The following TMIGD2 variants were observed in gnomAD, a reference collection of about 807,000 sequenced individuals.
TMIGD2 encodes transmembrane and immunoglobulin domain-containing protein 2.
A neutral mutation model predicts 22.6 loss-of-function variants in TMIGD2; 18 were observed. The observed-to-expected ratio is 0.80, with a 90% CI of 0.55 to 1.18. The LOEUF is 1.18. TMIGD2 is among the 50% of genes most tolerant of loss of function. TMIGD2 has a pLI of 0.00. For missense variants in TMIGD2, 361 were observed against 378.2 expected (o/e 0.95, Z 0.38); for synonymous variants, 184 against 154.1 (o/e 1.19, Z -1.44).
rs1971492031 is a variant in TMIGD2, at chr19:4,298,362, G to A, written c.47-17C>T. Reference sequence around the variant, plus strand: ...CTTGCAGGGCTGGAGGACAGAAGAGGTAGAGGCGACCTTTCTGACTGTGCG... The same window carrying A: ...CTTGCAGGGCTGGAGGACAGAAGAGATAGAGGCGACCTTTCTGACTGTGCG... On this transcript the variant is annotated splice_polypyrimidine_tract_variant and intron_variant, in intron 1 of 4. Transcript: ENST00000301272. The A allele has an allele frequency of 6.5e-7, 1 of 1,541,884 alleles. No individual in the cohort carries two copies. Among genetic ancestry groups the A allele is most frequent in the Non-Finnish European group, 8.7e-7 (1 of 1,149,578 alleles).
At chr19:4,292,484 G>T (rs1313708260) in exon 5 of TMIGD2, 5 of 1,089,884 alleles carry the variant, frequency 4.6e-6, no homozygotes, top group East Asian at 2.4e-5. Context: ...TGTTCCACCC[G>T]CCTCGGCTTC....
At chr19:4,299,288 G>C (rs1018327641) in intron 1 of TMIGD2, among the ~76,000 whole-genome samples, 1 of 151,862 alleles carries the variant, frequency 6.6e-6, no homozygotes, top group African/African-American at 2.4e-5. Flanking sequence ...GGGACTACAG[G>C]CATGTAACCA....
chr19:4,295,474 G>A (rs1441676395), intron 2 of TMIGD2, among the ~76,000 whole-genome samples: 2 of 151,432 alleles, frequency 1.3e-5, no homozygotes, highest in South Asian at 2.1e-4. Context: ...GCAGGAGAAT[G>A]GTGTGAACCC....
Position 4,297,977 on chromosome 19 carries a change from C to T in TMIGD2, c.406+9G>A. 3 of 1,559,032 alleles carry T rather than the reference C, an allele frequency of 1.9e-6. No homozygotes were observed. The highest frequency in any genetic ancestry group is 1.2e-5 in the South Asian group (1 of 83,038). ...CACTGCCCCTCCCTCTCCCCGCTGG[C>T]TCCCGTACCTGGGTCCACAAAGAGC... On this transcript the variant is annotated intron_variant, in intron 2 of 4. Transcript: ENST00000301272.
At chr19:4,296,861 C>G (rs139620262) in intron 2 of TMIGD2, among the ~76,000 whole-genome samples, 222 of 152,306 alleles carry the variant, frequency 1.5e-3, no homozygotes, top group African/African-American at 5.1e-3. Context: ...AAGCCTGCAT[C>G]CCCTTGGGTT....
Position 4,294,832 on chromosome 19 carries a change from C to A in TMIGD2, c.407-16G>T, listed in dbSNP as rs781535833. On this transcript the variant is annotated splice_polypyrimidine_tract_variant and intron_variant, in intron 2 of 4. Transcript: ENST00000301272. ...GTGGGGTCATCTGCAGAGAAGAAAT[C>A]TATGTCACGGGGGTGCCAGGCTTCT... The A allele has an allele frequency of 3.3e-5, 51 of 1,545,168 alleles. 1 individual carries two copies. In the Admixed American group the frequency reaches 1.0e-3, roughly 31 times the overall value.
At chr19:4,292,758 G>A (rs749012669) in exon 5 of TMIGD2, 4 of 1,611,046 alleles carry the variant, frequency 2.5e-6, no homozygotes, top group Non-Finnish European at 3.4e-6. Context: ...GCTGGCGGGG[G>A]GCCGGTTGCG....
intron 4 of TMIGD2, among the ~76,000 whole-genome samples, chr19:4,294,008 C>T (rs937647100): frequency 6.6e-6 from 1 of 151,984 alleles, no homozygotes; most frequent in Admixed American, 6.6e-5. Context: ...GTGATCCACC[C>T]GCCTCAGCCT....
rs573681086 is a variant in TMIGD2 at position 4,296,316 on chromosome 19, G to A, written c.407-1500C>T. Among the ~76,000 whole-genome samples the A allele has an allele frequency of 3.5e-4, 54 of 152,350 alleles. 1 individual carries two copies. Among genetic ancestry groups the A allele is most frequent in the African/African-American group, 1.2e-3 (49 of 41,586 alleles). On this transcript the variant is annotated intron_variant, in intron 2 of 4. Coordinates refer to ENST00000301272, the Ensembl canonical transcript of TMIGD2. ...TGACAGCAGAGGGAACTGGCACAGA[G>A]AGGTCAAGTCACTTGCTCAAGGTCA...
At chr19:4,292,488 C>A in exon 5 of TMIGD2, 1 of 1,142,798 alleles carries the variant, frequency 8.8e-7, no homozygotes, top group Non-Finnish European at 1.3e-6. Context: ...CCACCCGCCT[C>A]GGCTTCCCAA....
chr19:4,295,468 G>A (rs1396804319), intron 2 of TMIGD2, among the ~76,000 whole-genome samples: 5 of 151,740 alleles, frequency 3.3e-5, no homozygotes, highest in Non-Finnish European at 7.4e-5. Context: ...GCTGAGGCAG[G>A]AGAATGGTGT....
intron 1 of TMIGD2, among the ~76,000 whole-genome samples, chr19:4,300,130 G>T (rs1227221153): frequency 6.6e-6 from 1 of 151,208 alleles, no homozygotes; most frequent in African/African-American, 2.4e-5. Context: ...GCATGGTGGC[G>T]GGTGCCTGTA....
In TMIGD2 at chr19:4,294,602, CG is replaced by C. The variant is rs1450921701; in HGVS notation, c.526del (p.Arg176AlafsTer120). The stretch of plus-strand genomic sequence containing the variant: ...ACCTGAGTCCCTTTGCTGGCAGCTG[CG>C]GCGGCCCCAGAACCAGGCACCCCAC... On this transcript the variant is annotated frameshift_variant, in exon 4 of 5. Coordinates refer to ENST00000301272, the Ensembl canonical transcript of TMIGD2. LOFTEE classifies it low-confidence loss of function (END_TRUNC). The C allele has an allele frequency of 2.7e-5, 43 of 1,610,846 alleles. No homozygotes were observed. The highest frequency in any genetic ancestry group is 3.3e-5 in the Non-Finnish European group (39 of 1,178,438).
At chr19:4,297,288 C>T (rs1002832995) in intron 2 of TMIGD2, among the ~76,000 whole-genome samples, 5 of 151,970 alleles carry the variant, frequency 3.3e-5, no homozygotes, top group Admixed American at 3.3e-4. Context: ...AGGCTGGTCT[C>T]GAACCCCTGA....
exon 2 of TMIGD2, chr19:4,298,323 C>T (rs1347599510): frequency 4.4e-6 from 7 of 1,590,688 alleles, no homozygotes; most frequent in African/African-American, 1.3e-5. Flanking sequence ...GCTGCACGCT[C>T]AGGCTTGAGG....
intron 1 of TMIGD2, 148 bp downstream of exon 1, chr19:4,302,192 C>G (rs554325133): frequency 8.1e-5 from 67 of 831,860 alleles, no homozygotes; most frequent in Non-Finnish European, 1.1e-4. Context: ...AATCCTCCAG[C>G]CCCCATCACG....
At chr19:4,293,482 G>A (rs1051124140) in intron 4 of TMIGD2, among the ~76,000 whole-genome samples, 9 of 149,824 alleles carry the variant, frequency 6.0e-5, no homozygotes, top group South Asian at 4.2e-4. Context: ...GGCTGGTCTC[G>A]AACTCCTGGC....
intron 1 of TMIGD2, among the ~76,000 whole-genome samples, chr19:4,301,109 A>G (rs544909653): frequency 1.3e-5 from 2 of 152,094 alleles, no homozygotes; most frequent in Non-Finnish European, 2.9e-5. Flanking sequence ...AGTAGCTGGG[A>G]CTACAGGCAC....
intron 4 of TMIGD2, among the ~76,000 whole-genome samples, chr19:4,294,240 T>C (rs1971426806): frequency 1.3e-5 from 2 of 152,086 alleles, no homozygotes; most frequent in East Asian, 1.9e-4. Context: ...GCTAATTTTT[T>C]GTATTTTTAG....
Sources: allele counts gnomAD v4.1 joint callset (sites outside exome capture counted in the v4.1 genomes callset), GRCh38; gene constraint gnomAD v4.1.1; transcripts MANE v1.5; gene names NCBI Gene and HGNC (gene_info 2026-07-23, HGNC 2026-07-21).